The following PAH variants were observed in gnomAD, a reference collection of about 807,000 sequenced individuals.
PAH encodes the protein phenylalanine hydroxylase.
In PAH, 64 loss-of-function variants were observed where a neutral mutation model predicts 62.0. That is an observed-to-expected ratio of 1.03 (90% CI 0.84 to 1.27). The LOEUF (loss-of-function observed/expected upper bound fraction) is 1.27. PAH is among the 50% of genes most tolerant of loss of function. PAH has a pLI of 0.00. For missense variants in PAH, 579 were observed against 542.8 expected (o/e 1.07, Z -0.66); for synonymous variants, 195 against 196.2 (o/e 0.99, Z 0.05).
intron 5 of PAH, among the ~76,000 whole-genome samples, chr12:102,859,658 G>A (rs1446529195): frequency 2.0e-5 from 3 of 152,168 alleles, no homozygotes; most frequent in African/African-American, 7.2e-5. Flanking sequence ...GGGATGCAAG[G>A]CTGGTTCAAC....
rs63581460 is a variant in PAH, at chr12:102,844,376, GC to G, written c.1024del (p.Ala342HisfsTer58). On this transcript the variant is annotated frameshift_variant, in exon 10 of 13. Coordinates refer to ENST00000553106, the MANE Select transcript of PAH (RefSeq NM_000277.3). LOFTEE classifies it high-confidence loss of function. ...GGATGACAGGAGCCCAGCACCATATGCCTTTATGGAGTCTCCTTGTTTGCAG... is the reference window on the plus strand; with the variant it reads ...GGATGACAGGAGCCCAGCACCATATGCTTTATGGAGTCTCCTTGTTTGCAG... ...GLCKQGDSIK[A>X]YGAGLLSSFG... 6.2e-7 allele frequency: 1 copy of G among 1,613,760 alleles called. No individual in the cohort carries two copies. Among genetic ancestry groups the G allele is most frequent in the Non-Finnish European group, 8.5e-7 (1 of 1,179,702 alleles).
chr12:102,921,861 T>C (rs1460423267), upstream of PAH, among the ~76,000 whole-genome samples: 1 of 151,744 alleles, frequency 6.6e-6, no homozygotes, highest in East Asian at 1.9e-4. Flanking sequence ...TTCTCTGATT[T>C]GAAAGTTATC....
rs994559285 is a variant in PAH at position 102,846,137 on chromosome 12, G to A, written c.969+758C>T. Among the ~76,000 whole-genome samples, 4 of 152,152 alleles carry A rather than the reference G, an allele frequency of 2.6e-5. No individual in the cohort carries two copies. The South Asian group carries it at 8.3e-4, about 32-fold the overall frequency. Reference sequence around the variant, plus strand: ...TGAGCTATTGCATCCCATTGTTAGAGATGAGGAAGAAAAAGCCACTTGTCC... The same window carrying A: ...TGAGCTATTGCATCCCATTGTTAGAAATGAGGAAGAAAAAGCCACTTGTCC... On this transcript the variant is annotated intron_variant, in intron 9 of 12. Transcript: ENST00000553106.
intron 3 of PAH, among the ~76,000 whole-genome samples, chr12:102,887,391 C>T (rs1468334244): frequency 6.6e-6 from 1 of 151,724 alleles, no homozygotes; most frequent in African/African-American, 2.4e-5. Context: ...TCACAGGGAC[C>T]CTCATACAAT....
At chr12:102,913,545 A>C (rs1020528678) in intron 1 of PAH, among the ~76,000 whole-genome samples, 53 of 152,332 alleles carry the variant, frequency 3.5e-4, no homozygotes, top group Admixed American at 2.9e-3. Context: ...TCAGAGGATG[A>C]AAAAAGGAAA....
chr12:102,925,471 G>A (rs954678277), intron 1 of PAH, among the ~76,000 whole-genome samples: 31 of 152,134 alleles, frequency 2.0e-4, no homozygotes, highest in African/African-American at 4.1e-4. Context: ...TTTTTTTGAC[G>A]TTTCTGTCAC....
At chr12:102,885,552 G>A (rs1296122610) in intron 3 of PAH, among the ~76,000 whole-genome samples, 1 of 152,136 alleles carries the variant, frequency 6.6e-6, no homozygotes, top group Non-Finnish European at 1.5e-5. Flanking sequence ...TATTGATTTG[G>A]CTCCAAAGGA....
intron 3 of PAH, among the ~76,000 whole-genome samples, chr12:102,893,588 G>A (rs1037254419): frequency 6.6e-6 from 1 of 152,082 alleles, no homozygotes; most frequent in Non-Finnish European, 1.5e-5. Context: ...ACTGTTCTAA[G>A]CACTGTTTAT....
intron 4 of PAH, among the ~76,000 whole-genome samples, chr12:102,867,405 G>T (rs1379442292): frequency 6.6e-6 from 1 of 152,216 alleles, no homozygotes; most frequent in Non-Finnish European, 1.5e-5. Flanking sequence ...TTTTCCCAGT[G>T]ATTTGTAAGC....
At chr12:102,887,385 AG>A (rs1270419770) in intron 3 of PAH, among the ~76,000 whole-genome samples, 2 of 152,112 alleles carry the variant, frequency 1.3e-5, no homozygotes, top group African/African-American at 4.8e-5. Context: ...GATCATTCAC[AG>A]GGACCCTCAT....
At chr12:102,933,514 T>C (rs1009738517) in intron 1 of PAH, among the ~76,000 whole-genome samples, 8 of 152,146 alleles carry the variant, frequency 5.3e-5, no homozygotes, top group Non-Finnish European at 8.8e-5. Context: ...CTAGATCATA[T>C]TGTAGCTCTA....
chr12:102,885,369 C>T (rs1216038096), intron 3 of PAH, among the ~76,000 whole-genome samples: 2 of 152,230 alleles, frequency 1.3e-5, no homozygotes, highest in African/African-American at 4.8e-5. Context: ...ATCAGATTAG[C>T]TCATTAATGG....
intron 3 of PAH, among the ~76,000 whole-genome samples, chr12:102,878,151 C>T (rs1441521169): frequency 6.6e-6 from 1 of 152,116 alleles, no homozygotes; most frequent in African/African-American, 2.4e-5. Flanking sequence ...TACATATAGG[C>T]CCAAAATATA....
At chr12:102,934,714 C>T (rs908424518) in intron 1 of PAH, among the ~76,000 whole-genome samples, 12 of 151,916 alleles carry the variant, frequency 7.9e-5, no homozygotes, top group Admixed American at 2.0e-4. Context: ...ATTTCTTTTT[C>T]AGATTGTTTG....
At chr12:102,854,419 T>C (rs1260672218) in intron 6 of PAH, among the ~76,000 whole-genome samples, 1 of 152,226 alleles carries the variant, frequency 6.6e-6, no homozygotes, top group Non-Finnish European at 1.5e-5. Context: ...AACATCCTCT[T>C]GACAGAAAGA....
intron 7 of PAH, 79 bp from the exon 8 acceptor site, chr12:102,851,835 T>G (rs1378036264): frequency 9.6e-7 from 1 of 1,041,232 alleles, no homozygotes; most frequent in Non-Finnish European, 1.5e-6. Flanking sequence ...ACATGAGGAA[T>G]GGGCAGAAAG....
intron 4 of PAH, among the ~76,000 whole-genome samples, chr12:102,868,836 C>T (rs530125212): frequency 6.6e-6 from 1 of 152,298 alleles, no homozygotes; most frequent in Admixed American, 6.5e-5. Context: ...TTGATTGTTA[C>T]AGTCATTCTC....
chr12:102,929,503 G>A (rs1352959412), intron 1 of PAH, among the ~76,000 whole-genome samples: 1 of 152,124 alleles, frequency 6.6e-6, no homozygotes, highest in Non-Finnish European at 1.5e-5. Flanking sequence ...CGAGTGGAAA[G>A]CTCCTTGGGG....
At chr12:102,869,769 G>A (rs1325545337) in intron 4 of PAH, among the ~76,000 whole-genome samples, 2 of 152,194 alleles carry the variant, frequency 1.3e-5, no homozygotes, top group Non-Finnish European at 2.9e-5. Flanking sequence ...CCAGCCTCTT[G>A]GGGATCTGGC....
Sources: allele counts gnomAD v4.1 joint callset (sites outside exome capture counted in the v4.1 genomes callset), GRCh38; gene constraint gnomAD v4.1.1; transcripts MANE v1.5; gene names NCBI Gene and HGNC (gene_info 2026-07-23, HGNC 2026-07-21).